LNPK: variants seen among roughly 807,000 people sequenced by gnomAD.
LNPK encodes the protein endoplasmic reticulum junction formation protein lunapark.
In LNPK, 29 loss-of-function variants were observed where a neutral mutation model predicts 55.2. The observed-to-expected ratio is 0.53, with a 90% CI of 0.39 to 0.72. The LOEUF is 0.72. Among genes scored for constraint, LNPK ranks in the 30% least tolerant of loss-of-function variants. The pLI, the probability that LNPK is intolerant of heterozygous loss-of-function variation, is 0.00. For missense variants in LNPK, 467 were observed against 494.8 expected, an observed-to-expected ratio of 0.94 and a Z score of 0.53; for synonymous variants, 162 against 168.2, an observed-to-expected ratio of 0.96 and a Z score of 0.29.
intron 6 of LNPK, among the ~76,000 whole-genome samples, chr2:175,966,725 G>T (rs1686374667): frequency 6.6e-6 from 1 of 152,112 alleles, no homozygotes; most frequent in South Asian, 2.1e-4. Context: ...TAAATACACT[G>T]TTCAGTGCAA....
chr2:175,962,522 T>A (rs952326834), intron 8 of LNPK, among the ~76,000 whole-genome samples: 15 of 152,272 alleles, frequency 9.9e-5, no homozygotes, highest in African/African-American at 3.6e-4. Flanking sequence ...TGAAACTGCA[T>A]CCCTTCCTTA....
At chr2:175,946,536 T>C (rs778781454) in intron 9 of LNPK, among the ~76,000 whole-genome samples, 1 of 152,272 alleles carries the variant, frequency 6.6e-6, no homozygotes, top group African/African-American at 2.4e-5. Context: ...GTTTTTTTAG[T>C]CTTCTAAAAT....
intron 2 of LNPK, among the ~76,000 whole-genome samples, chr2:175,994,453 TA>T (rs1012109202): frequency 1.3e-5 from 2 of 151,508 alleles, no homozygotes; most frequent in African/African-American, 2.4e-5. Context: ...TAATAAGGAG[TA>T]AAAAAAAATA....
intron 4 of LNPK, among the ~76,000 whole-genome samples, chr2:175,986,646 T>C (rs972716038): frequency 6.6e-6 from 1 of 152,088 alleles, no homozygotes; most frequent in South Asian, 2.1e-4. Flanking sequence ...TGATTCAATA[T>C]TTAATATAAT....
rs138423827 is a variant in LNPK, at chr2:175,952,282, T to C, written c.494-4590A>G. Among the ~76,000 whole-genome samples the C allele has an allele frequency of 5.1e-4, 78 of 152,158 alleles. No homozygotes were observed. The Middle Eastern group carries it at 0.01, about 20-fold the overall frequency. On this transcript the variant is annotated intron_variant, in intron 8 of 12. Coordinates refer to ENST00000272748, the MANE Select transcript of LNPK (RefSeq NM_030650.3). ...TTTAGTAATGGGGGTGGGGGAATCT[T>C]TAAGCCTATTCACATATGCAAATGT...
In LNPK at chr2:175,929,109, C is replaced by G. The variant is rs1684147427; in HGVS notation, c.*858G>C. The G allele has an allele frequency of 1.0e-6, 1 of 985,146 alleles. No individual in the cohort carries two copies. 61.0% of individuals were successfully genotyped at this position (985,146 alleles called of 1,614,324 possible). On this transcript the variant is annotated 3_prime_UTR_variant, in exon 13 of 13. Coordinates refer to ENST00000272748, the MANE Select transcript of LNPK (RefSeq NM_030650.3). The stretch of plus-strand genomic sequence containing the variant: ...TGTTTGAAGAAGACTAGATATTTAG[C>G]AAAATGAAACTGATGCCAGATTATT...
chr2:175,964,493 A>G lies in LNPK; in HGVS notation c.441+13T>C. On this transcript the variant is annotated intron_variant, in intron 7 of 12. Transcript: ENST00000272748. The stretch of plus-strand genomic sequence containing the variant: ...TAATTTATAATAAAATAGTAGTGAT[A>G]TCACAGTCTTACCTTTGCTTTCTTT... 1 of 1,588,828 alleles carries G rather than the reference A, an allele frequency of 6.3e-7. No individual in the cohort carries two copies. The highest frequency in any genetic ancestry group is 8.6e-7 in the Non-Finnish European group (1 of 1,157,034).
At chr2:175,960,770 G>A (rs1380641243) in intron 8 of LNPK, among the ~76,000 whole-genome samples, 1 of 152,104 alleles carries the variant, frequency 6.6e-6, no homozygotes, top group Non-Finnish European at 1.5e-5. Context: ...ATGACTCCAG[G>A]AGCTGGTTTT....
At chr2:175,933,388 C>CT (rs1684375553) in intron 12 of LNPK, among the ~76,000 whole-genome samples, 1 of 152,106 alleles carries the variant, frequency 6.6e-6, no homozygotes, top group Admixed American at 6.5e-5. Context: ...AATAGTCTAG[C>CT]AAAACAACTT....
rs1024954820 is a variant in LNPK, at chr2:175,925,241, G to A, written c.*4726C>T. On this transcript the variant is annotated 3_prime_UTR_variant, in exon 13 of 13. Coordinates refer to ENST00000272748, the MANE Select transcript of LNPK (RefSeq NM_030650.3). Reference sequence around the variant, plus strand: ...ACTGTGTGTCTAATGCATAAAATGAGTTTGTATGAGAAATAGCAACTTCAA... The same window carrying A: ...ACTGTGTGTCTAATGCATAAAATGAATTTGTATGAGAAATAGCAACTTCAA... 1.3e-5 allele frequency: 2 copies of A among 152,130 alleles called. No homozygotes were observed. Among genetic ancestry groups the A allele is most frequent in the East Asian group, 3.8e-4 (2 of 5,196 alleles). The allele number at this position is 152,130 out of a possible 1,614,324, so 9.4% of individuals were successfully genotyped here.
At chr2:175,937,578 T>C in intron 11 of LNPK, 64 bp from the exon 12 acceptor site, 1 of 1,176,380 alleles carries the variant, frequency 8.5e-7, no homozygotes, top group East Asian at 2.5e-5. Context: ...AACTAATTAG[T>C]TAACTCACAA....
At chr2:175,952,137 A>T (rs1231345389) in intron 8 of LNPK, among the ~76,000 whole-genome samples, 1 of 151,982 alleles carries the variant, frequency 6.6e-6, no homozygotes, top group Non-Finnish European at 1.5e-5. Flanking sequence ...AATTTCCTTA[A>T]TATGAGTGTT....
intron 8 of LNPK, among the ~76,000 whole-genome samples, chr2:175,963,313 C>T (rs532521430): frequency 7.8e-4 from 119 of 152,246 alleles, no homozygotes; most frequent in African/African-American, 2.6e-3. Context: ...CCCAAATGCC[C>T]AACAATGATT....
At chr2:175,970,522 TTTAC>T (rs1164074629) in intron 6 of LNPK, among the ~76,000 whole-genome samples, 7 of 152,118 alleles carry the variant, frequency 4.6e-5, no homozygotes, top group African/African-American at 1.2e-4. Context: ...ATATGACTCA[TTTAC>T]TTACTTCTCA....
intron 9 of LNPK, among the ~76,000 whole-genome samples, chr2:175,944,190 T>C (rs1685004625): frequency 6.6e-6 from 1 of 152,108 alleles, no homozygotes; most frequent in Non-Finnish European, 1.5e-5. Flanking sequence ...CATTAAAATA[T>C]GAAATTAGAT....
intron 2 of LNPK, 54 bp from the exon 3 acceptor site, chr2:175,993,277 C>A (rs764626760): frequency 2.8e-6 from 3 of 1,059,160 alleles, no homozygotes; most frequent in Admixed American, 2.7e-5. Context: ...CAAACCTTTA[C>A]ATTTTGATAT....
chr2:175,991,188 G>A (rs940823107), intron 4 of LNPK, among the ~76,000 whole-genome samples: 1 of 152,036 alleles, frequency 6.6e-6, no homozygotes, highest in South Asian at 2.1e-4. Flanking sequence ...GCATTTTTGA[G>A]TATTTAAAAG....
intron 6 of LNPK, among the ~76,000 whole-genome samples, chr2:175,969,666 A>G (rs1412584678): frequency 6.6e-6 from 1 of 152,212 alleles, no homozygotes; most frequent in African/African-American, 2.4e-5. Flanking sequence ...CACAACTTCT[A>G]AATCACTGAC....
chr2:175,944,582 G>A (rs991618078), intron 9 of LNPK, among the ~76,000 whole-genome samples: 3 of 152,220 alleles, frequency 2.0e-5, no homozygotes, highest in African/African-American at 7.2e-5. Flanking sequence ...AAACAAGACA[G>A]AATGAACATG....
Sources: allele counts gnomAD v4.1 joint callset (sites outside exome capture counted in the v4.1 genomes callset), GRCh38; gene constraint gnomAD v4.1.1; transcripts MANE v1.5; gene names NCBI Gene and HGNC (gene_info 2026-07-23, HGNC 2026-07-21).